The following MLIP variants were observed in gnomAD, a reference collection of about 807,000 sequenced individuals.
MLIP encodes the protein muscular LMNA-interacting protein.
In MLIP, 79 loss-of-function variants were observed where a neutral mutation model predicts 84.8. That is an observed-to-expected ratio of 0.93 (90% CI 0.78 to 1.12). The LOEUF (loss-of-function observed/expected upper bound fraction) is 1.12, where lower values mean the gene tolerates loss of function less well. MLIP is among the 50% of genes most tolerant of loss of function. The pLI is 0.00. For missense variants in MLIP, 1,257 were observed against 1,160.6 expected (o/e 1.08, Z -1.21); for synonymous variants, 504 against 463.0 (o/e 1.09, Z -1.14).
At chr6:54,246,315 A>G (rs77794399) in intron 12 of MLIP, among the ~76,000 whole-genome samples, 4,065 of 152,202 alleles carry the variant, frequency 0.027, 176 homozygotes, top group African/African-American at 0.091. Flanking sequence ...TTGAGGCTCT[A>G]TTTTTAGGAA....
intron 9 of MLIP, among the ~76,000 whole-genome samples, chr6:54,184,404 C>G (rs759511374): frequency 6.6e-6 from 1 of 152,108 alleles, no homozygotes; most frequent in Non-Finnish European, 1.5e-5. Flanking sequence ...GCCCCAGGCC[C>G]CCAAGATGGT....
chr6:54,183,884 A>C (rs1150877), intron 9 of MLIP, among the ~76,000 whole-genome samples: 39,933 of 151,692 alleles, frequency 0.26, 5,379 homozygotes, highest in Admixed American at 0.33. Flanking sequence ...GTTCAAAGTA[A>C]GGAAGGCATG....
chr6:54,077,452 G>A (rs1320969274), intron 1 of MLIP, among the ~76,000 whole-genome samples: 1 of 150,808 alleles, frequency 6.6e-6, no homozygotes, highest in Non-Finnish European at 1.5e-5. Flanking sequence ...ACCATTACTT[G>A]CAAATCTATG....
At chr6:54,062,449 T>C (rs1169094153) in intron 1 of MLIP, among the ~76,000 whole-genome samples, 11 of 152,202 alleles carry the variant, frequency 7.2e-5, no homozygotes, top group East Asian at 1.9e-4. Context: ...CTATACATAA[T>C]ATAGCCAAGT....
rs549182858 is a variant in MLIP at position 54,150,669 on chromosome 6, T to G, written c.2289+1542T>G. Among the ~76,000 whole-genome samples, 61 of 152,308 alleles carry G rather than the reference T, an allele frequency of 4.0e-4. No homozygotes were observed. The South Asian group carries it at 5.6e-3, about 14-fold the overall frequency. ...GAACTATGTTCTGCTACTATGTAAA[T>G]TTCCTATTTAGAAAAATGAAAGTTA... On this transcript the variant is annotated intron_variant, in intron 5 of 13. Coordinates refer to ENST00000502396, the MANE Select transcript of MLIP (RefSeq NM_001281747.2).
rs1471270319 is a variant in MLIP at position 54,124,575 on chromosome 6, G to C, written c.355G>C (p.Glu119Gln). 1 of 1,614,080 alleles carries C rather than the reference G, an allele frequency of 6.2e-7. No homozygotes were observed. Among genetic ancestry groups the C allele is most frequent in the East Asian group, 2.2e-5 (1 of 44,894 alleles). Residue 119 changes from glutamate to glutamine, a missense_variant, in exon 3 of 14, where the codon GAA becomes CAA. Glu to Gln is a conservative substitution (Grantham distance 29, BLOSUM62 2). Coordinates refer to ENST00000502396, the MANE Select transcript of MLIP (RefSeq NM_001281747.2). ...PSEVSGTILQ[E>Q]REFEANKLQG... ...AGAGGTCAGTGGAACGATTTTACAA[G>C]AAAGGGAATTCGAAGCAAACAAACT...
intron 10 of MLIP, among the ~76,000 whole-genome samples, chr6:54,191,022 C>G (rs1330250769): frequency 6.6e-6 from 1 of 151,874 alleles, no homozygotes; most frequent in Non-Finnish European, 1.5e-5. Context: ...GTCTCGATCT[C>G]CTGACCTCGT....
chr6:54,167,087 G>A (rs576746314), intron 8 of MLIP, among the ~76,000 whole-genome samples: 7 of 151,992 alleles, frequency 4.6e-5, no homozygotes, highest in African/African-American at 1.7e-4. Context: ...CTGAGCCACT[G>A]TGTTTTGTTG....
chr6:54,177,314 C>A (rs1776386927), intron 9 of MLIP, among the ~76,000 whole-genome samples: 1 of 152,026 alleles, frequency 6.6e-6, no homozygotes, highest in Non-Finnish European at 1.5e-5. Context: ...GGTCTAATAT[C>A]CAGAATCTAC....
chr6:54,225,725 T>C (rs925440378), intron 11 of MLIP, among the ~76,000 whole-genome samples: 2 of 152,182 alleles, frequency 1.3e-5, no homozygotes, highest in Admixed American at 6.5e-5. Context: ...AAGAATGTAA[T>C]TGTCTCCTTA....
At chr6:54,090,227 G>T (rs1767773169) in intron 1 of MLIP, among the ~76,000 whole-genome samples, 1 of 152,068 alleles carries the variant, frequency 6.6e-6, no homozygotes, top group Admixed American at 6.6e-5. Context: ...TTTTCCATGG[G>T]TGATAATGTC....
At chr6:54,264,942 G>C (rs528514254) in intron 13 of MLIP, among the ~76,000 whole-genome samples, 1 of 151,982 alleles carries the variant, frequency 6.6e-6, no homozygotes, top group Non-Finnish European at 1.5e-5. Context: ...ATGTAACCGC[G>C]ATTCACAATC....
At chr6:54,047,989 T>C (rs1172016522) in intron 1 of MLIP, among the ~76,000 whole-genome samples, 1 of 152,170 alleles carries the variant, frequency 6.6e-6, no homozygotes, top group African/African-American at 2.4e-5. Flanking sequence ...CAAGGAATTA[T>C]ATAGTAAGTG....
intron 1 of MLIP, among the ~76,000 whole-genome samples, chr6:54,035,830 A>C (rs140429223): frequency 2.8e-4 from 42 of 152,036 alleles, no homozygotes; most frequent in Middle Eastern, 3.4e-3. Context: ...TCTTCTTGTT[A>C]AGTTTTAAAA....
At chr6:54,203,561 T>G (rs1322153865) in intron 11 of MLIP, 1 of 152,346 alleles carries the variant, frequency 6.6e-6, no homozygotes, top group Non-Finnish European at 1.5e-5. Context: ...GTGTTATCTC[T>G]CTAGGCTTCA....
At chr6:54,058,514 C>A (rs930739845) in intron 1 of MLIP, among the ~76,000 whole-genome samples, 1 of 152,186 alleles carries the variant, frequency 6.6e-6, no homozygotes, top group African/African-American at 2.4e-5. Flanking sequence ...TGGCCATCTG[C>A]CTACTTTATG....
At position 54,136,907 on chromosome 6, in the gene MLIP, A is replaced by G; in HGVS notation, c.838A>G (p.Thr280Ala). 1 of 1,535,302 alleles carries G rather than the reference A, an allele frequency of 6.5e-7. No homozygotes were observed. Among genetic ancestry groups the G allele is most frequent in the Non-Finnish European group, 8.7e-7 (1 of 1,146,544 alleles). Reference sequence around the variant, plus strand: ...GGAAGAATCAGCTACGTATTTTCAAACTACCGCTCACTCTACACCCTTTTC... The same window carrying G: ...GGAAGAATCAGCTACGTATTTTCAAGCTACCGCTCACTCTACACCCTTTTC... ...VVEESATYFQ[T>A]TAHSTPFSAS... The change falls in exon 4 of 14, where the codon ACT becomes GCT. Residue 280 changes from threonine to alanine, a missense_variant. By Grantham distance (58) the Thr-to-Ala change is moderately conservative. Transcript: ENST00000502396.
chr6:54,040,359 G>T (rs1390168076), intron 1 of MLIP, among the ~76,000 whole-genome samples: 1 of 151,916 alleles, frequency 6.6e-6, no homozygotes, highest in African/African-American at 2.4e-5. Context: ...AGGTAAGAGA[G>T]TAAATGGTGA....
chr6:54,095,014 A>T (rs1203120569), intron 1 of MLIP, among the ~76,000 whole-genome samples: 4 of 152,122 alleles, frequency 2.6e-5, no homozygotes, highest in Admixed American at 1.3e-4. Flanking sequence ...CATTTGGGTG[A>T]TTTTTCTGTA....
Sources: gnomAD v4.1 joint callset for allele counts (sites outside exome capture counted in the v4.1 genomes callset) on GRCh38, gnomAD v4.1.1 for gene constraint, MANE v1.5 for transcripts, NCBI Gene and HGNC (gene_info 2026-07-23, HGNC 2026-07-21) for gene names.